Variants in IL23R observed in about 807,000 individuals in gnomAD.
IL23R encodes the protein interleukin-23 receptor.
Under a neutral mutation model 56.9 loss-of-function variants are expected in IL23R, and 34 were observed. The ratio of observed to expected loss-of-function variants is 0.60; its 90% CI spans 0.45 to 0.80. The LOEUF is 0.80. Ranked by LOEUF, IL23R falls within the 30% of genes least tolerant of loss-of-function variation. The pLI is 0.00. For synonymous variants in IL23R, 230 were observed against 249.2 expected (o/e 0.92, Z 0.73); for missense variants, 635 against 730.0 (o/e 0.87, Z 1.50).
downstream of IL23R, among the ~76,000 whole-genome samples, chr1:67,263,130 T>TC (rs1653264463): frequency 7.7e-6 from 1 of 129,506 alleles, no homozygotes; most frequent in South Asian, 2.3e-4. Context: ...TTTTTTTTTT[T>TC]TTAACAGGTC....
intron 5 of IL23R, among the ~76,000 whole-genome samples, chr1:67,201,267 G>T (rs934497853): frequency 6.6e-6 from 1 of 151,936 alleles, no homozygotes; most frequent in Admixed American, 6.6e-5. Flanking sequence ...AATTAGCCAG[G>T]CATGGTGGCG....
chr1:67,212,899 A>G (rs1649589354), intron 6 of IL23R, among the ~76,000 whole-genome samples: 1 of 143,492 alleles, frequency 7.0e-6, no homozygotes, highest in African/African-American at 2.6e-5. Context: ...TTTTAGACAG[A>G]GTCTCACTGT....
chr1:67,262,825 T>C (rs929652016), downstream of IL23R, among the ~76,000 whole-genome samples: 1 of 152,114 alleles, frequency 6.6e-6, no homozygotes, highest in African/African-American at 2.4e-5. Context: ...AAAAAGCCTC[T>C]CAAGGTATCA....
intron 8 of IL23R, among the ~76,000 whole-genome samples, chr1:67,237,596 A>G (rs1294222485): frequency 6.6e-6 from 1 of 152,164 alleles, no homozygotes; most frequent in Non-Finnish European, 1.5e-5. Context: ...CCTGGAGTCT[A>G]TTGTCTTTCT....
At chr1:67,152,124 C>A (rs956658685) in intron 1 of IL23R, among the ~76,000 whole-genome samples, 1 of 152,124 alleles carries the variant, frequency 6.6e-6, no homozygotes, top group Admixed American at 6.5e-5. Flanking sequence ...TGTTTGTGTT[C>A]TCTCTGATTT....
At position 67,259,034 on chromosome 1, in the gene IL23R, G is replaced by T; in HGVS notation, c.1796G>T (p.Gly599Val). ...LLPDEFVSCL[G>V]IVNEELPSIN... Reference sequence around the variant, plus strand: ...CCTGATGAATTTGTCTCCTGTTTGGGGATCGTGAATGAGGAGTTGCCATCT... The same window carrying T: ...CCTGATGAATTTGTCTCCTGTTTGGTGATCGTGAATGAGGAGTTGCCATCT... The change falls in exon 11 of 11, where the codon GGG becomes GTG. Residue 599 changes from glycine to valine, a missense_variant. By Grantham distance (109) the Gly-to-Val change is moderately radical. Coordinates refer to ENST00000347310, the MANE Select transcript of IL23R (RefSeq NM_144701.3). The T allele has an allele frequency of 6.2e-7, 1 of 1,613,894 alleles. No homozygotes were observed. Among genetic ancestry groups the T allele is most frequent in the Non-Finnish European group, 8.5e-7 (1 of 1,179,948 alleles).
intron 8 of IL23R, among the ~76,000 whole-genome samples, chr1:67,239,518 G>A (rs1385327471): frequency 1.3e-5 from 2 of 152,202 alleles, no homozygotes; most frequent in Admixed American, 6.5e-5. Context: ...TCCCACCTCG[G>A]CCTCTCAAAG....
At chr1:67,228,071 C>T (rs1224078819) in intron 7 of IL23R, among the ~76,000 whole-genome samples, 1 of 103,290 alleles carries the variant, frequency 9.7e-6, no homozygotes, top group South Asian at 3.3e-4. Context: ...CTCTGTCTCT[C>T]TCTTTCTTTC....
intron 6 of IL23R, among the ~76,000 whole-genome samples, chr1:67,213,820 T>C (rs1179718365): frequency 6.6e-6 from 1 of 152,240 alleles, no homozygotes; most frequent in South Asian, 2.1e-4. Flanking sequence ...ATGACTCTAG[T>C]TATCTCTTGA....
chr1:67,243,512 G>A (rs1403444638), intron 9 of IL23R, among the ~76,000 whole-genome samples: 11 of 151,866 alleles, frequency 7.2e-5, no homozygotes, highest in East Asian at 1.9e-4. Flanking sequence ...CCTTGTGTCC[G>A]TGTGTTCTCA....
At chr1:67,180,635 G>A (rs1647125551) in intron 3 of IL23R, among the ~76,000 whole-genome samples, 1 of 152,080 alleles carries the variant, frequency 6.6e-6, no homozygotes, top group Non-Finnish European at 1.5e-5. Context: ...GGTTAATATT[G>A]TTATGTGTGA....
intron 7 of IL23R, among the ~76,000 whole-genome samples, chr1:67,232,640 T>G (rs1651174583): frequency 6.6e-6 from 1 of 152,212 alleles, no homozygotes; most frequent in Non-Finnish European, 1.5e-5. Context: ...TGGGTTGTTG[T>G]GAGGATTAAA....
intron 7 of IL23R, among the ~76,000 whole-genome samples, chr1:67,233,965 G>A (rs1308945881): frequency 1.3e-5 from 2 of 150,868 alleles, no homozygotes; most frequent in African/African-American, 4.9e-5. Flanking sequence ...GTGTGTGTGT[G>A]TGTGTGTGAG....
chr1:67,165,449 C>T (rs1646863991), upstream of IL23R, among the ~76,000 whole-genome samples: 1 of 152,150 alleles, frequency 6.6e-6, no homozygotes, highest in African/African-American at 2.4e-5. Flanking sequence ...TAGGATCCAG[C>T]AATCCCTCTT....
intron 1 of IL23R, among the ~76,000 whole-genome samples, chr1:67,156,250 C>A (rs182118370): frequency 0.019 from 2,903 of 152,272 alleles, 81 homozygotes; most frequent in African/African-American, 0.066. Context: ...GAGGTCTCTC[C>A]AAGTCAGGAG....
At chr1:67,165,906 T>G (rs1343803933), upstream of IL23R, among the ~76,000 whole-genome samples, 1 of 152,226 alleles carries the variant, frequency 6.6e-6, no homozygotes, top group Non-Finnish European at 1.5e-5. Flanking sequence ...ATGGTGACCA[T>G]AGTTAACAAT....
At chr1:67,187,576 AT>A (rs768965000) in intron 4 of IL23R, among the ~76,000 whole-genome samples, 60 of 152,212 alleles carry the variant, frequency 3.9e-4, no homozygotes, top group Non-Finnish European at 7.2e-4. Flanking sequence ...AAAGTAAGGA[AT>A]ATTTGTAGTA....
In IL23R at chr1:67,169,528, G is replaced by A. The variant is rs76575803; in HGVS notation, c.257G>A (p.Arg86Gln). ...QITRINKTTA[R>Q]LWYKNFLEPH... is the part of the protein sequence containing the mutation. Reference sequence around the variant, plus strand: ...ACAAGGATTAATAAAACAACAGCTCGGCTTTGGTATAAAAACTTTCTGGAA... The same window carrying A: ...ACAAGGATTAATAAAACAACAGCTCAGCTTTGGTATAAAAACTTTCTGGAA... The change falls in exon 3 of 11, where the codon CGG (arginine) becomes CAG (glutamine). Residue 86 changes from arginine (R) to glutamine (Q), a missense_variant. Transcript: ENST00000347310. The A allele has an allele frequency of 2.7e-3, 4,369 of 1,613,808 alleles. 15 individuals carry two copies. The highest frequency in any genetic ancestry group is 2.7e-3 in the Non-Finnish European group (3,132 of 1,179,762).
intron 3 of IL23R, among the ~76,000 whole-genome samples, chr1:67,171,088 A>G (rs1366874830): frequency 6.6e-6 from 1 of 152,192 alleles, no homozygotes; most frequent in East Asian, 1.9e-4. Context: ...TAGCTTGTCC[A>G]CATCCTCAGG....
Sources: allele counts gnomAD v4.1 joint callset (sites outside exome capture counted in the v4.1 genomes callset), GRCh38; gene constraint gnomAD v4.1.1; transcripts MANE v1.5; gene names NCBI Gene and HGNC (gene_info 2026-07-23, HGNC 2026-07-21).